Variants in SORT1 observed in about 807,000 individuals in gnomAD.
The protein encoded by SORT1 is sortilin 1, also known as sortilin.
In SORT1, 39 loss-of-function variants were observed where a neutral mutation model predicts 101.7. The observed-to-expected ratio is 0.38, with a 90% CI of 0.30 to 0.50. The LOEUF (loss-of-function observed/expected upper bound fraction) is 0.50. SORT1 is among the 20% of genes least tolerant of loss of function. SORT1 has a pLI of 0.90. For missense variants in SORT1, 878 were observed against 1,040.4 expected, an observed-to-expected ratio of 0.84 and a Z score of 2.15; for synonymous variants, 396 against 393.7, an observed-to-expected ratio of 1.01 and a Z score of -0.07.
intron 1 of SORT1, 91 bp downstream of exon 1, chr1:109,397,496 C>T (rs1200369119): frequency 6.7e-5 from 59 of 882,724 alleles, no homozygotes; most frequent in Non-Finnish European, 8.2e-5. Context: ...GGGCTGGGGT[C>T]TCCTCCGGGA....
intron 2 of SORT1, chr1:109,368,591 A>G (rs1366962226): frequency 6.6e-6 from 1 of 152,210 alleles, no homozygotes; most frequent in East Asian, 1.9e-4. Flanking sequence ...AAGCAGGATA[A>G]TAAGACAGCC....
intron 17 of SORT1, among the ~76,000 whole-genome samples, chr1:109,315,720 G>A (rs927392848): frequency 2.0e-5 from 3 of 148,884 alleles, no homozygotes; most frequent in African/African-American, 7.4e-5. Context: ...GTAGTTCAGT[G>A]CTACAGATTT....
chr1:109,384,383 AG>A (rs1652445023), intron 1 of SORT1, among the ~76,000 whole-genome samples: 1 of 152,218 alleles, frequency 6.6e-6, no homozygotes, highest in Non-Finnish European at 1.5e-5. Context: ...ATCAAATTTG[AG>A]GGTGATATAT....
chr1:109,380,151 G>A (rs189440570), intron 1 of SORT1, among the ~76,000 whole-genome samples: 20 of 151,924 alleles, frequency 1.3e-4, no homozygotes, highest in Non-Finnish European at 2.9e-5. Context: ...AGCCAGGTGT[G>A]GTGGCATAGC....
At chr1:109,379,584 C>A (rs1652091854) in intron 1 of SORT1, among the ~76,000 whole-genome samples, 1 of 152,184 alleles carries the variant, frequency 6.6e-6, no homozygotes, top group African/African-American at 2.4e-5. Context: ...GAGCCCAGAG[C>A]AAATACAGTC....
chr1:109,314,181 A>G (rs1291835592), intron 19 of SORT1, 80 bp downstream of exon 19: 2 of 1,538,806 alleles, frequency 1.3e-6, no homozygotes, highest in African/African-American at 1.4e-5. Flanking sequence ...GCATATCTTG[A>G]TCATGAATAG....
rs368734568 is a variant in SORT1 at position 109,367,231 on chromosome 1, A to AAAC, written c.440+174_440+176dup. Reference sequence around the variant, plus strand: ...GACAAGAGTGAGACCCTGTCTCAAAAAACAACAACAACAACAACAACAAAA... The same window carrying AAAC: ...GACAAGAGTGAGACCCTGTCTCAAAAAACAACAACAACAACAACAACAACAAAA... On this transcript the variant is annotated intron_variant, in intron 3 of 19. Transcript: ENST00000256637. 385 of 510,942 alleles carry AAAC rather than the reference A, an allele frequency of 7.5e-4. 1 individual carries two copies. The highest frequency in any genetic ancestry group is 4.4e-3 in the East Asian group (140 of 31,748). The allele number at this position is 510,942 out of a possible 1,614,324, so 31.7% of individuals were successfully genotyped here.
chr1:109,393,153 A>C (rs2140924), intron 1 of SORT1: 703,126 of 984,990 alleles, frequency 0.71, 251,998 homozygotes, highest in East Asian at 0.96. Context: ...ACCCTGCCAG[A>C]GCCAGCAAAC....
At chr1:109,314,645 C>G (rs868273309) in intron 18 of SORT1, 27 bp downstream of exon 18, 1 of 1,469,998 alleles carries the variant, frequency 6.8e-7, no homozygotes, top group Non-Finnish European at 9.5e-7. Context: ...GAACTCAGTA[C>G]CTTGGATTGA....
chr1:109,320,698 T>C (rs1401335940), intron 15 of SORT1, among the ~76,000 whole-genome samples: 2 of 152,230 alleles, frequency 1.3e-5, no homozygotes, highest in Non-Finnish European at 2.9e-5. Context: ...CCATGGCACC[T>C]GGCACCTTCT....
chr1:109,363,224 GA>G, intron 3 of SORT1, among the ~76,000 whole-genome samples: 1 of 152,236 alleles, frequency 6.6e-6, no homozygotes, highest in Middle Eastern at 3.4e-3. Context: ...TGAAAAGTTG[GA>G]CTCAAGACAT....
In SORT1 at chr1:109,323,034, T is replaced by G; in HGVS notation, c.1922A>C (p.Gln641Pro). The G allele has an allele frequency of 6.2e-7, 1 of 1,614,218 alleles. No individual in the cohort carries two copies. Among genetic ancestry groups the G allele is most frequent in the Non-Finnish European group, 8.5e-7 (1 of 1,180,014 alleles). The part of the protein sequence containing the change: ...EDGCILGYKE[Q>P]FLRLRKSSVC... Reference sequence around the variant, plus strand: ...GGATGACTTGCGTAGCCGCAGAAACTGTTCTTTGTAGCCCAAAATGCAGCC... The same window carrying G: ...GGATGACTTGCGTAGCCGCAGAAACGGTTCTTTGTAGCCCAAAATGCAGCC... The change falls in exon 15 of 20, where the codon CAG becomes CCG. Residue 641 changes from glutamine to proline, a missense_variant. Gln to Pro is a moderately conservative substitution (Grantham distance 76). Around this residue, in one of 2 missense-constraint regions of SORT1, gnomAD observed 684 missense variants for 894.5 expected, o/e 0.76. Coordinates refer to ENST00000256637, the MANE Select transcript of SORT1 (RefSeq NM_002959.7).
intron 1 of SORT1, among the ~76,000 whole-genome samples, chr1:109,386,310 A>G (rs187550036): frequency 6.6e-6 from 1 of 152,358 alleles, no homozygotes; most frequent in Non-Finnish European, 1.5e-5. Flanking sequence ...TTTAGGGAGT[A>G]AAACTTCTAT....
chr1:109,396,649 T>C (rs1284612875), intron 1 of SORT1, among the ~76,000 whole-genome samples: 1 of 152,234 alleles, frequency 6.6e-6, no homozygotes, highest in Admixed American at 6.5e-5. Flanking sequence ...GAAGGACAAG[T>C]GCTGGCACAG....
At chr1:109,331,782 C>G (rs1246930945) in intron 11 of SORT1, among the ~76,000 whole-genome samples, 1 of 151,692 alleles carries the variant, frequency 6.6e-6, no homozygotes, top group Non-Finnish European at 1.5e-5. Context: ...ATATAAAAAT[C>G]CTTAATCTTT....
At chr1:109,390,809 G>A (rs573365773) in intron 1 of SORT1, among the ~76,000 whole-genome samples, 8 of 150,054 alleles carry the variant, frequency 5.3e-5, no homozygotes, top group South Asian at 2.1e-4. Flanking sequence ...GCGCGCGCGC[G>A]TTTTAGGACA....
rs565948404 is a variant in SORT1 at position 109,340,756 on chromosome 1, C to T, written c.1232G>A (p.Arg411His). The T allele has an allele frequency of 3.1e-5, 50 of 1,614,072 alleles. No homozygotes were observed. In the East Asian group the frequency reaches 9.6e-4, roughly 31 times the overall value. ...ETDFTNVTSL[R>H]GVYITSVLSE... ...GAGCACGCTTGTTATGTAGACGCCGCGGAGGGAGGTCACGTTGGTAAAGTC... is the reference window on the plus strand; with the variant it reads ...GAGCACGCTTGTTATGTAGACGCCGTGGAGGGAGGTCACGTTGGTAAAGTC... The change falls in exon 10 of 20, where the codon CGC becomes CAC. Residue 411 changes from arginine (R) to histidine (H), a missense_variant. By Grantham distance (29) the Arg-to-His change is conservative. Transcript: ENST00000256637.
chr1:109,370,739 C>T (rs1313610653), intron 1 of SORT1, among the ~76,000 whole-genome samples: 1 of 152,164 alleles, frequency 6.6e-6, no homozygotes, highest in African/African-American at 2.4e-5. Context: ...TGAGAAGCTC[C>T]TTGGAAGCTG....
intron 1 of SORT1, among the ~76,000 whole-genome samples, chr1:109,388,916 T>C (rs1652740374): frequency 6.6e-6 from 1 of 152,164 alleles, no homozygotes; most frequent in Non-Finnish European, 1.5e-5. Context: ...AACAAAAGTT[T>C]GACATAATCA....
Sources: allele counts gnomAD v4.1 joint callset (sites outside exome capture counted in the v4.1 genomes callset), GRCh38; gene constraint gnomAD v4.1.1; regional missense constraint gnomAD v4.1.1; transcripts MANE v1.5; gene names NCBI Gene and HGNC (gene_info 2026-07-23, HGNC 2026-07-21).